Variants in MSI2 observed in about 807,000 individuals in gnomAD.
MSI2 encodes the protein musashi RNA binding protein 2, also known as RNA-binding protein Musashi homolog 2.
A neutral mutation model predicts 45.6 loss-of-function variants in MSI2; 17 were observed. The ratio of observed to expected loss-of-function variants is 0.37; its 90% CI spans 0.26 to 0.56. The LOEUF (loss-of-function observed/expected upper bound fraction) is 0.56, where lower values mean the gene tolerates loss of function less well. Among genes scored for constraint, MSI2 ranks in the 20% least tolerant of loss-of-function variants. The probability of loss-of-function intolerance (pLI) is 0.77; values close to 1 mark genes in which losing one functional copy is unlikely to be tolerated. For missense variants in MSI2, 293 were observed against 444.2 expected (o/e 0.66, Z 3.06); for synonymous variants, 156 against 158.2 (o/e 0.99, Z 0.11).
At chr17:57,689,399 T>C (rs1427693175), downstream of MSI2, among the ~76,000 whole-genome samples, 4 of 152,296 alleles carry the variant, frequency 2.6e-5, no homozygotes, top group East Asian at 1.9e-4. Context: ...AAAAGAGTCC[T>C]GTGGTCAGGA....
At chr17:57,623,780 T>A (rs1908531872) in intron 9 of MSI2, among the ~76,000 whole-genome samples, 1 of 152,238 alleles carries the variant, frequency 6.6e-6, no homozygotes, top group South Asian at 2.1e-4. Context: ...GCTATTGATA[T>A]GCAGCCAGCC....
chr17:57,451,895 C>A (rs1036446313), intron 6 of MSI2, among the ~76,000 whole-genome samples: 3 of 152,200 alleles, frequency 2.0e-5, no homozygotes, highest in Non-Finnish European at 2.9e-5. Context: ...CAATCTGTCA[C>A]CCTCATCAGC....
At chr17:57,673,396 G>A (rs530863959) in intron 11 of MSI2, among the ~76,000 whole-genome samples, 18 of 152,344 alleles carry the variant, frequency 1.2e-4, no homozygotes, top group African/African-American at 4.1e-4. Context: ...GGCAGAGGGG[G>A]AGAAGCCAAG....
chr17:57,671,034 A>G (rs377655774), intron 11 of MSI2, among the ~76,000 whole-genome samples: 3 of 151,980 alleles, frequency 2.0e-5, no homozygotes, highest in African/African-American at 7.3e-5. Flanking sequence ...CTCTGAGTCC[A>G]GTACTCCCTT....
chr17:57,501,631 G>A (rs1229047071), intron 6 of MSI2, among the ~76,000 whole-genome samples: 1 of 152,210 alleles, frequency 6.6e-6, no homozygotes, highest in Admixed American at 6.5e-5. Context: ...GCTCAGGGAA[G>A]TTTTTTGAAG....
intron 7 of MSI2, among the ~76,000 whole-genome samples, chr17:57,563,746 G>GCACACA (rs61342598): frequency 0.066 from 9,220 of 139,248 alleles, 371 homozygotes; most frequent in East Asian, 0.13. Flanking sequence ...ACACAGGCGC[G>GCACACA]CACACACACA....
At chr17:57,295,180 C>A (rs1215523211) in intron 5 of MSI2, among the ~76,000 whole-genome samples, 3 of 152,164 alleles carry the variant, frequency 2.0e-5, no homozygotes, top group African/African-American at 7.2e-5. Context: ...GGTCATGTGT[C>A]TTTCTGTGCA....
intron 5 of MSI2, 155 bp downstream of exon 5, chr17:57,262,347 A>C (rs1017559413): frequency 1.9e-5 from 13 of 695,366 alleles, no homozygotes; most frequent in Non-Finnish European, 3.0e-5. Flanking sequence ...CTGTGAGATA[A>C]CCATGCGTCT....
At chr17:57,385,945 C>T (rs559086037) in intron 5 of MSI2, among the ~76,000 whole-genome samples, 8 of 152,098 alleles carry the variant, frequency 5.3e-5, no homozygotes, top group Non-Finnish European at 1.0e-4. Flanking sequence ...GTCTGGGATC[C>T]CAGTTCCTGT....
chr17:57,492,100 T>G lies in MSI2; in HGVS notation c.406-37576T>G, dbSNP rs74629555. ...GTATTAACAAAGATGAAAAAGATAG[T>G]GTCTGATTTATAATGTACTGAATTG... On this transcript the variant is annotated intron_variant, in intron 6 of 13. Coordinates refer to ENST00000284073, the MANE Select transcript of MSI2 (RefSeq NM_138962.4). Among the ~76,000 whole-genome samples, 108 of 152,308 alleles carry G rather than the reference T, an allele frequency of 7.1e-4. No homozygotes were observed. The East Asian group carries it at 0.01, about 14-fold the overall frequency.
At chr17:57,475,223 A>G (rs1312508630) in intron 6 of MSI2, among the ~76,000 whole-genome samples, 1 of 152,144 alleles carries the variant, frequency 6.6e-6, no homozygotes, top group African/African-American at 2.4e-5. Context: ...ATTTACCAAA[A>G]CGCCTAGGGA....
At chr17:57,324,169 C>T (rs999544554) in intron 5 of MSI2, among the ~76,000 whole-genome samples, 1 of 152,144 alleles carries the variant, frequency 6.6e-6, no homozygotes, top group Admixed American at 6.5e-5. Context: ...ATTTTTTTCC[C>T]TCATTTTGCG....
intron 5 of MSI2, among the ~76,000 whole-genome samples, chr17:57,372,721 G>T (rs2083438462): frequency 6.6e-6 from 1 of 152,146 alleles, no homozygotes; most frequent in Admixed American, 6.5e-5. Context: ...CTATAAAAGG[G>T]TGTACTGTTC....
intron 5 of MSI2, among the ~76,000 whole-genome samples, chr17:57,376,983 C>G (rs57563427): frequency 0.011 from 1,666 of 151,136 alleles, 29 homozygotes; most frequent in Middle Eastern, 0.038. Context: ...GGCAGTGGCG[C>G]GATCTCGGCT....
intron 7 of MSI2, among the ~76,000 whole-genome samples, chr17:57,538,266 G>A (rs767721763): frequency 6.6e-6 from 1 of 152,090 alleles, no homozygotes; most frequent in Non-Finnish European, 1.5e-5. Context: ...AGCCCTGGGT[G>A]GCTGCCTCCC....
At chr17:57,582,981 C>A (rs1028575624) in intron 7 of MSI2, among the ~76,000 whole-genome samples, 5 of 152,150 alleles carry the variant, frequency 3.3e-5, no homozygotes, top group Non-Finnish European at 5.9e-5. Context: ...TCTACGGTAC[C>A]AGTTTCTGTT....
intron 6 of MSI2, among the ~76,000 whole-genome samples, chr17:57,445,478 C>A (rs568959247): frequency 1.4e-4 from 22 of 151,786 alleles, no homozygotes; most frequent in Non-Finnish European, 2.4e-4. Flanking sequence ...GTATCCTCAG[C>A]ACCTTTGGGG....
intron 11 of MSI2, among the ~76,000 whole-genome samples, chr17:57,663,751 A>G (rs545620554): frequency 3.0e-4 from 46 of 152,272 alleles, no homozygotes; most frequent in African/African-American, 1.1e-3. Flanking sequence ...GGTGTGTAAA[A>G]TAGTCGTTAA....
chr17:57,622,356 T>C (rs1908382951), intron 9 of MSI2, among the ~76,000 whole-genome samples: 4 of 152,234 alleles, frequency 2.6e-5, no homozygotes, highest in Admixed American at 2.6e-4. Context: ...ACATGATGAT[T>C]GTTGATATAT....
Sources: gnomAD v4.1 joint callset for allele counts (sites outside exome capture counted in the v4.1 genomes callset) on GRCh38, gnomAD v4.1.1 for gene constraint, MANE v1.5 for transcripts, NCBI Gene and HGNC (gene_info 2026-07-23, HGNC 2026-07-21) for gene names.